Variants in HHIP observed in about 807,000 individuals in gnomAD.
The protein encoded by HHIP is hedgehog interacting protein.
A neutral mutation model predicts 74.0 loss-of-function variants in HHIP; 12 were observed. That is an observed-to-expected ratio of 0.16 (90% CI 0.10 to 0.26). The LOEUF (loss-of-function observed/expected upper bound fraction) is 0.26, where lower values mean the gene tolerates loss of function less well. HHIP is among the 10% of genes least tolerant of loss of function. The probability of loss-of-function intolerance (pLI) is 1.00; values close to 1 mark genes in which losing one functional copy is unlikely to be tolerated. For synonymous variants in HHIP, 309 were observed against 311.6 expected (o/e 0.99, Z 0.09); for missense variants, 788 against 845.0 (o/e 0.93, Z 0.84).
At chr4:144,650,682 CAG>C (rs1432614728) in intron 1 of HHIP, 1 of 152,036 alleles carries the variant, frequency 6.6e-6, no homozygotes, top group Non-Finnish European at 1.5e-5. Flanking sequence ...AGACCTCACA[CAG>C]AGCAAAAATG....
In HHIP at chr4:144,737,872, T is replaced by A. The variant is rs1731160823; in HGVS notation, c.2018T>A (p.Ile673Asn). The change falls in exon 13 of 13, where the codon ATC becomes AAC. Residue 673 changes from isoleucine to asparagine, a missense_variant. Physicochemically the swap from Ile to Asn is moderately radical, Grantham distance 149. Around this residue, in one of 3 missense-constraint regions of HHIP, gnomAD observed 343 missense variants for 347.9 expected, o/e 0.99. Transcript: ENST00000296575. Reference sequence around the variant, plus strand: ...CAATGTGAACAAGTGGACAGAAACATCCGCAGAGTGACCAGGGCAGGTATT... The same window carrying A: ...CAATGTGAACAAGTGGACAGAAACAACCGCAGAGTGACCAGGGCAGGTATT... Reference protein sequence around the residue: ...GPQCEQVDRNIRRVTRAGILD... With the variant: ...GPQCEQVDRNNRRVTRAGILD... 1.9e-6 allele frequency: 3 copies of A among 1,613,788 alleles called. No individual in the cohort carries two copies. The highest frequency in any genetic ancestry group is 2.2e-5 in the South Asian group (2 of 91,070).
chr4:144,709,300 G>T (rs1181384594), intron 7 of HHIP, among the ~76,000 whole-genome samples: 1 of 152,106 alleles, frequency 6.6e-6, no homozygotes, highest in Non-Finnish European at 1.5e-5. Flanking sequence ...ACTTAAGGTG[G>T]GTTCAGGATG....
At chr4:144,681,887 T>A (rs887965693) in intron 4 of HHIP, among the ~76,000 whole-genome samples, 1 of 152,210 alleles carries the variant, frequency 6.6e-6, no homozygotes, top group Admixed American at 6.5e-5. Context: ...GTGCTTTAGT[T>A]ATAAAATTAT....
At chr4:144,700,273 T>A (rs1390100251) in intron 4 of HHIP, among the ~76,000 whole-genome samples, 1 of 152,210 alleles carries the variant, frequency 6.6e-6, no homozygotes, top group Non-Finnish European at 1.5e-5. Flanking sequence ...TGAACTTATA[T>A]ATGAACTTCA....
rs185279581 is a variant in HHIP at position 144,741,173 on chromosome 4, C to A, written c.*3216C>A. ...TTTTTATTTTATCATGAAGAATACT[C>A]GGAAGGTTTCTCAGATTAATGAGTA... On this transcript the variant is annotated 3_prime_UTR_variant, in exon 13 of 13. Transcript: ENST00000296575. 6.6e-6 allele frequency: 1 copy of A among 151,448 alleles called. No homozygotes were observed. The highest frequency in any genetic ancestry group is 1.5e-5 in the Non-Finnish European group (1 of 67,954). The allele number at this position is 151,448 out of a possible 1,614,324, so 9.4% of individuals were successfully genotyped here.
At position 144,738,644 on chromosome 4, in the gene HHIP, TG is replaced by T; in HGVS notation, c.*688del. 1 of 689,386 alleles carries T rather than the reference TG, an allele frequency of 1.5e-6. No homozygotes were observed. The highest frequency in any genetic ancestry group is 1.8e-6 in the Non-Finnish European group (1 of 559,810). The allele number at this position is 689,386 out of a possible 1,614,324, so 42.7% of individuals were successfully genotyped here. A position where few individuals can be genotyped will look rare whatever the true frequency, so the allele number is the denominator to read the frequency against. On this transcript the variant is annotated 3_prime_UTR_variant, in exon 13 of 13. Transcript: ENST00000296575. Reference sequence around the variant, plus strand: ...ATCTTCCTAAAAGGTCTGCTTTTATTGTATATTTTATTTAACAATAGGCACT... The same window carrying T: ...ATCTTCCTAAAAGGTCTGCTTTTATTTATATTTTATTTAACAATAGGCACT...
At chr4:144,721,504 G>A (rs1393034994) in intron 11 of HHIP, among the ~76,000 whole-genome samples, 2 of 151,114 alleles carry the variant, frequency 1.3e-5, no homozygotes, top group East Asian at 3.9e-4. Flanking sequence ...TCTCAGAAAA[G>A]GATGGTGAGA....
rs1466667653 is a variant in HHIP at position 144,706,736 on chromosome 4, T to C, written c.983+54T>C. The C allele has an allele frequency of 8.6e-6, 13 of 1,512,930 alleles. No individual in the cohort carries two copies. The East Asian group carries it at 3.0e-4, about 35-fold the overall frequency. 93.7% of individuals were successfully genotyped at this position (1,512,930 alleles called of 1,614,324 possible). A position where few individuals can be genotyped will look rare whatever the true frequency, so the allele number is the denominator to read the frequency against. On this transcript the variant is annotated intron_variant, in intron 5 of 12. Transcript: ENST00000296575. Reference sequence around the variant, plus strand: ...AATTTCTCATCTTATTTTCTCATCATCTTTTCATAAGTTTTTTTATTTAGA... The same window carrying C: ...AATTTCTCATCTTATTTTCTCATCACCTTTTCATAAGTTTTTTTATTTAGA...
intron 7 of HHIP, among the ~76,000 whole-genome samples, chr4:144,709,051 C>T (rs1730221353): frequency 6.6e-6 from 1 of 152,168 alleles, no homozygotes; most frequent in African/African-American, 2.4e-5. Flanking sequence ...AAGCTTCATC[C>T]AGTCTATGGT....
At chr4:144,719,813 T>C (rs1730580277) in intron 11 of HHIP, among the ~76,000 whole-genome samples, 1 of 152,242 alleles carries the variant, frequency 6.6e-6, no homozygotes. Flanking sequence ...GGATTCCTTC[T>C]ATACTATTTT....
Position 144,708,276 on chromosome 4 carries a change from C to A in HHIP, c.1266C>A (p.Pro422=), listed in dbSNP as rs199831060. 1.9e-6 allele frequency: 3 copies of A among 1,614,122 alleles called. No individual in the cohort carries two copies. The highest frequency in any genetic ancestry group is 4.5e-5 in the East Asian group (2 of 44,866). The change falls in exon 7 of 13, where the codon CCC becomes CCA. Residue 422 remains proline (P), a synonymous_variant. Transcript: ENST00000296575. ...NPHFNSTNQP[P]EVFAHGLHDP... Reference sequence around the variant, plus strand: ...ACTTCAACAGCACCAACCAGCCCCCCGAAGTGTTTGCTCATGGGCTCCACG... The same window carrying A: ...ACTTCAACAGCACCAACCAGCCCCCAGAAGTGTTTGCTCATGGGCTCCACG...
At chr4:144,720,421 G>A (rs1035815653) in intron 11 of HHIP, among the ~76,000 whole-genome samples, 3 of 152,112 alleles carry the variant, frequency 2.0e-5, no homozygotes, top group Non-Finnish European at 4.4e-5. Flanking sequence ...AAAGTACCTG[G>A]TAGCATTGTA....
chr4:144,652,040 C>T (rs1728441440), intron 1 of HHIP, among the ~76,000 whole-genome samples: 1 of 151,948 alleles, frequency 6.6e-6, no homozygotes, highest in African/African-American at 2.4e-5. Context: ...TTTTATAAAA[C>T]ATGAACAGCA....
chr4:144,734,573 T>C (rs1276194723), intron 11 of HHIP, among the ~76,000 whole-genome samples, 168 bp from the exon 12 acceptor site: 1 of 151,922 alleles, frequency 6.6e-6, no homozygotes, highest in African/African-American at 2.4e-5. Flanking sequence ...CTCACTGGTA[T>C]GTATTTCCTA....
At chr4:144,688,358 G>C (rs911384857) in intron 4 of HHIP, among the ~76,000 whole-genome samples, 4 of 152,064 alleles carry the variant, frequency 2.6e-5, no homozygotes, top group Non-Finnish European at 5.9e-5. Context: ...GAGTCCCAGC[G>C]GTGCTGGTGC....
intron 10 of HHIP, among the ~76,000 whole-genome samples, chr4:144,717,664 T>C (rs559634444): frequency 1.4e-4 from 21 of 152,314 alleles, no homozygotes; most frequent in African/African-American, 4.1e-4. Context: ...ACCCCATCTG[T>C]TGTATTTCAT....
chr4:144,704,521 C>T (rs1730075952), intron 4 of HHIP, among the ~76,000 whole-genome samples: 1 of 152,194 alleles, frequency 6.6e-6, no homozygotes, highest in African/African-American at 2.4e-5. Context: ...TCCCATCTGT[C>T]TTTCTACAGT....
At position 144,738,512 on chromosome 4, in the gene HHIP, T is replaced by A; in HGVS notation, c.*555T>A. 1.0e-6 allele frequency: 1 copy of A among 971,626 alleles called. No homozygotes were observed. The highest frequency in any genetic ancestry group is 1.8e-5 in the African/African-American group (1 of 57,010). The allele number at this position is 971,626 out of a possible 1,614,324, so 60.2% of individuals were successfully genotyped here. A position where few individuals can be genotyped will look rare whatever the true frequency, so the allele number is the denominator to read the frequency against. ...GTCAGTGTATCCAGTTACAGAATGC[T>A]ACACACTTACCTTTTTATTGGCTGA... On this transcript the variant is annotated 3_prime_UTR_variant, in exon 13 of 13. Transcript: ENST00000296575.
At chr4:144,650,960 A>T (rs1045003456) in intron 1 of HHIP, 2 of 152,132 alleles carry the variant, frequency 1.3e-5, no homozygotes, top group Non-Finnish European at 2.9e-5. Flanking sequence ...ACCAAAGGTA[A>T]TTACATTCCA....
Sources: allele counts gnomAD v4.1 joint callset (sites outside exome capture counted in the v4.1 genomes callset), GRCh38; gene constraint gnomAD v4.1.1; regional missense constraint gnomAD v4.1.1; transcripts MANE v1.5; gene names NCBI Gene and HGNC (gene_info 2026-07-23, HGNC 2026-07-21).